Variants in RPL31 observed in about 807,000 individuals in gnomAD.
RPL31 encodes the protein ribosomal protein L31.
For missense variants in RPL31, 95 were observed against 164.0 expected, an observed-to-expected ratio of 0.58 and a Z score of 2.30; for synonymous variants, 51 against 55.0, an observed-to-expected ratio of 0.93 and a Z score of 0.32.
At chr2:101,012,795 AAATC>A (rs1365017009) in intron 4 of RPL31, among the ~76,000 whole-genome samples, 3 of 150,960 alleles carry the variant, frequency 2.0e-5, no homozygotes, top group Non-Finnish European at 4.5e-5. Flanking sequence ...CACTGAAAAT[AAATC>A]AAAGGCAAAA....
At chr2:101,015,081 G>A (rs1024673469) in intron 4 of RPL31, among the ~76,000 whole-genome samples, 1 of 152,184 alleles carries the variant, frequency 6.6e-6, no homozygotes, top group Admixed American at 6.5e-5. Context: ...CCTAGATGCT[G>A]TAGCCTACTA....
chr2:101,011,615 G>A, downstream of RPL31: 1 of 1,485,746 alleles, frequency 6.7e-7, no homozygotes. Context: ...TAGCTTTCTA[G>A]GCAACTAAAG....
At chr2:101,003,295 A>G (rs979493692) in intron 2 of RPL31, among the ~76,000 whole-genome samples, 3 of 152,086 alleles carry the variant, frequency 2.0e-5, no homozygotes, top group East Asian at 1.9e-4. Flanking sequence ...TTTGAGTCCA[A>G]TATCACCCTG....
intron 2 of RPL31, among the ~76,000 whole-genome samples, chr2:101,003,306 G>A (rs1678609391): frequency 6.6e-6 from 1 of 151,886 alleles, no homozygotes; most frequent in East Asian, 1.9e-4. Flanking sequence ...TATCACCCTG[G>A]CCATCTGTTT....
rs554949407 is a variant in RPL31, at chr2:101,012,448, C to T, written c.346+6377C>T. Among the ~76,000 whole-genome samples, 150 of 152,298 alleles carry T rather than the reference C, an allele frequency of 9.8e-4. 2 individuals are homozygous for T. The highest frequency in any genetic ancestry group is 3.6e-3 in the African/African-American group (148 of 41,570). On this transcript the variant is annotated intron_variant, in intron 4 of 4. Transcript: ENST00000409028. ...TAGGTGAGAGAAGTCGAACATGATA[C>T]AGCAACTCCATTTATATCAAATGTC...
chr2:101,012,428 G>T (rs943923134), intron 4 of RPL31, among the ~76,000 whole-genome samples: 1 of 152,220 alleles, frequency 6.6e-6, no homozygotes, highest in Non-Finnish European at 1.5e-5. Flanking sequence ...CATGCTAGGT[G>T]AGAGAAGTCG....
chr2:101,005,679 T>C (rs10173410), intron 3 of RPL31: 9,592 of 413,142 alleles, frequency 0.023, 842 homozygotes, highest in African/African-American at 0.18. Flanking sequence ...CTAACACATT[T>C]GGACCATTTG....
At position 101,002,761 on chromosome 2, in the gene RPL31, G is replaced by C. The variant is rs1372393226; in HGVS notation, c.60G>C (p.Val20=). ...KKKGRSAINE[V]VTREYTINIH... is the part of the protein sequence containing the mutation. The stretch of plus-strand genomic sequence containing the variant: ...AGGGCCGTTCTGCCATCAACGAAGT[G>C]GTAACCCGAGAATACACCATCAACA... Residue 20 remains valine (V), a synonymous_variant, in exon 2 of 5, where the codon GTG becomes GTC. Coordinates refer to ENST00000264258, the MANE Select transcript of RPL31 (RefSeq NM_000993.5). 1 of 1,614,130 alleles carries C rather than the reference G, an allele frequency of 6.2e-7. No individual in the cohort carries two copies. The highest frequency in any genetic ancestry group is 1.1e-5 in the South Asian group (1 of 91,068).
intron 3 of RPL31, 169 bp from the exon 4 acceptor site, chr2:101,005,790 T>C: frequency 4.8e-6 from 3 of 623,232 alleles, no homozygotes; most frequent in South Asian, 1.9e-5. Context: ...GCATTTAATG[T>C]TCACCTGGGG....
chr2:101,007,956 CTG>C (rs1678862436), downstream of RPL31: 1 of 1,614,030 alleles, frequency 6.2e-7, no homozygotes, highest in Non-Finnish European at 8.5e-7. Context: ...TGACTAATGA[CTG>C]TTCAGTCAGA....
chr2:101,017,524 C>T (rs185712171), intron 4 of RPL31, among the ~76,000 whole-genome samples: 51 of 152,284 alleles, frequency 3.3e-4, no homozygotes, highest in African/African-American at 1.2e-3. Context: ...CCTATGGGAC[C>T]ACCATCATAC....
chr2:101,004,101 A>C lies in RPL31; in HGVS notation c.108-57A>C, dbSNP rs1558957814. 3 of 1,583,112 alleles carry C rather than the reference A, an allele frequency of 1.9e-6. No individual in the cohort carries two copies. The East Asian group carries it at 6.7e-5, about 36-fold the overall frequency. On this transcript the variant is annotated intron_variant, in intron 2 of 4. Transcript: ENST00000264258. The stretch of plus-strand genomic sequence containing the variant: ...ATCATCGACATTGAGGATTTCTCAC[A>C]TGTACCTAATTTAGTTTTGTGCTCC...
rs148028338 is a variant in RPL31, at chr2:101,006,060, C to T, written c.335C>T (p.Thr112Ile). ...LYTLVTYVPVTTFKNLQTVNV... is the reference protein window; with the variant it reads ...LYTLVTYVPVITFKNLQTVNV... ...ACTTTGGTTACCTATGTACCTGTTACCACTTTCAAAAGTAAGTTCTCCATC... is the reference window on the plus strand; with the variant it reads ...ACTTTGGTTACCTATGTACCTGTTATCACTTTCAAAAGTAAGTTCTCCATC... Residue 112 changes from threonine to isoleucine, a missense_variant, in exon 4 of 5, where the codon ACC (threonine) becomes ATC (isoleucine). Physicochemically the swap from Thr to Ile is moderately conservative, Grantham distance 89. Coordinates refer to ENST00000264258, the MANE Select transcript of RPL31 (RefSeq NM_000993.5). 2 of 1,613,314 alleles carry T rather than the reference C, an allele frequency of 1.2e-6. No individual in the cohort carries two copies. The highest frequency in any genetic ancestry group is 1.7e-5 in the Admixed American group (1 of 59,854).
exon 5 of RPL31, chr2:101,019,598 C>T (rs1447516682): frequency 1.3e-5 from 2 of 152,558 alleles, no homozygotes; most frequent in Non-Finnish European, 2.9e-5. Flanking sequence ...TTCCACTGAA[C>T]TTGATTTAAA....
rs1486053791 is a variant in RPL31 at position 101,002,698 on chromosome 2, T to C, written c.1-4T>C. 1.2e-6 allele frequency: 2 copies of C among 1,612,942 alleles called. No homozygotes were observed. Among genetic ancestry groups the C allele is most frequent in the Admixed American group, 3.3e-5 (2 of 60,028 alleles). ...CTCTGAGCCTCCTTGTCGCCTGCAT[T>C]TAGATGGCTCCCGCAAAGAAGGGTG... is the stretch of plus-strand genomic sequence containing the variant. On this transcript the variant is annotated splice_region_variant and splice_polypyrimidine_tract_variant and intron_variant, in intron 1 of 4. Coordinates refer to ENST00000264258, the MANE Select transcript of RPL31 (RefSeq NM_000993.5).
At chr2:101,011,389 C>A, downstream of RPL31, 1 of 1,549,532 alleles carries the variant, frequency 6.5e-7, no homozygotes, top group Non-Finnish European at 8.9e-7. Context: ...GAGGGCAACC[C>A]CGGTGCCTCC....
rs531663956 is a variant in RPL31, at chr2:101,006,528, T to G, written c.*147T>G. 3.7e-5 allele frequency: 27 copies of G among 727,266 alleles called. 2 individuals carry two copies. In the South Asian group the frequency reaches 6.1e-4, roughly 16 times the overall value. The allele number at this position is 727,266 out of a possible 1,614,324, so 45.1% of individuals were successfully genotyped here. Reference sequence around the variant, plus strand: ...CAAATTGATGGCCTGTGCTGCCTTCTCCCCATCCCCTGGGGTTTTAAAGTG... The same window carrying G: ...CAAATTGATGGCCTGTGCTGCCTTCGCCCCATCCCCTGGGGTTTTAAAGTG... On this transcript the variant is annotated 3_prime_UTR_variant, in exon 5 of 5. Coordinates refer to ENST00000264258, the MANE Select transcript of RPL31 (RefSeq NM_000993.5).
chr2:101,016,136 A>G (rs1440696898), intron 4 of RPL31, among the ~76,000 whole-genome samples: 4 of 152,244 alleles, frequency 2.6e-5, no homozygotes, highest in Admixed American at 6.5e-5. Context: ...GTGAACACGC[A>G]ATCTTCAAAA....
intron 4 of RPL31, among the ~76,000 whole-genome samples, chr2:101,017,390 T>C (rs1467542722): frequency 6.6e-6 from 1 of 152,222 alleles, no homozygotes; most frequent in Non-Finnish European, 1.5e-5. Context: ...TAATTTTATA[T>C]GCTATACTTT....
Sources: gnomAD v4.1 joint callset for allele counts (sites outside exome capture counted in the v4.1 genomes callset) on GRCh38, gnomAD v4.1.1 for gene constraint, MANE v1.5 for transcripts, NCBI Gene and HGNC (gene_info 2026-07-23, HGNC 2026-07-21) for gene names.